Variants in GP2 observed in about 807,000 individuals in gnomAD.
GP2 encodes glycoprotein 2, also known as pancreatic secretory granule membrane major glycoprotein GP2.
In GP2, 58 loss-of-function variants were observed where a neutral mutation model predicts 60.8. That is an observed-to-expected ratio of 0.95 (90% confidence interval 0.77 to 1.19). GP2 has a LOEUF of 1.19. Among genes scored for constraint, GP2 ranks in the 50% most tolerant of loss-of-function variants. The pLI, the probability that GP2 is intolerant of heterozygous loss-of-function variation, is 0.00. For missense variants in GP2, 647 were observed against 667.4 expected, an observed-to-expected ratio of 0.97 and a Z score of 0.34; for synonymous variants, 280 against 253.4, an observed-to-expected ratio of 1.10 and a Z score of -1.00.
At chr16:20,312,710 G>A (rs376736918) in intron 10 of GP2, among the ~76,000 whole-genome samples, 1 of 151,794 alleles carries the variant, frequency 6.6e-6, no homozygotes, top group East Asian at 1.9e-4. Flanking sequence ...GAATGCAATG[G>A]TGCAATCTCA....
intron 2 of GP2, chr16:20,326,125 T>A (rs754266721): frequency 8.7e-6 from 5 of 573,044 alleles, no homozygotes; most frequent in Non-Finnish European, 1.6e-5. Flanking sequence ...TGGCTCCCAC[T>A]GCCCTTTCAG....
At chr16:20,313,251 C>G (rs372063695) in intron 10 of GP2, among the ~76,000 whole-genome samples, 1 of 84,696 alleles carries the variant, frequency 1.2e-5, no homozygotes, top group Admixed American at 1.1e-4. Flanking sequence ...CTCTCTCTCT[C>G]TGTCTCTCTG....
At chr16:20,315,401 A>T (rs1260822106) in intron 9 of GP2, among the ~76,000 whole-genome samples, 2 of 152,228 alleles carry the variant, frequency 1.3e-5, no homozygotes, top group African/African-American at 4.8e-5. Flanking sequence ...CATGAGTAGG[A>T]TGGATGAAAA....
intron 6 of GP2, 74 bp downstream of exon 6, chr16:20,319,546 A>G (rs1468421172): frequency 2.2e-5 from 23 of 1,059,140 alleles, no homozygotes; most frequent in Middle Eastern, 2.2e-4. Flanking sequence ...TGGACATCAT[A>G]GTCTGCACTT....
chr16:20,326,985 G>A lies in GP2; in HGVS notation c.-37+482C>T, dbSNP rs114102080. ...AATGGGGGTTGGGGGCGGTGGCGAG[G>A]CAGAAAGAAAGAGCTGCAAAAAAGC... On this transcript the variant is annotated intron_variant, in intron 1 of 10. Coordinates refer to ENST00000302555, the MANE Select transcript of GP2 (RefSeq NM_001502.4). The A allele has an allele frequency of 8.0e-3, 1,322 of 164,892 alleles. 14 individuals carry two copies. Among genetic ancestry groups the A allele is most frequent in the African/African-American group, 0.027 (1,139 of 41,646 alleles). The allele number at this position is 164,892 out of a possible 1,614,324, so 10.2% of individuals were successfully genotyped here.
At chr16:20,317,183 C>G in intron 8 of GP2, 30 bp downstream of exon 8, 1 of 1,552,490 alleles carries the variant, frequency 6.4e-7, no homozygotes, top group Non-Finnish European at 8.8e-7. Context: ...ATGCCAGGCT[C>G]TGAAGAGTTC....
chr16:20,319,632 T>G lies in GP2; in HGVS notation c.995A>C (p.Gln332Pro). ...DMKVSLQAAL[Q>P]PIVSSLNVSV... ...GTCAATGCCATACCTTACAATGGGC[T>G]GCAAGGCAGCTTGGAGGCTGACTTT... The change falls in exon 6 of 11, where the codon CAG becomes CCG. Residue 332 changes from glutamine (Q) to proline (P), a missense_variant. Transcript: ENST00000302555. The G allele has an allele frequency of 3.1e-6, 5 of 1,612,740 alleles. No individual in the cohort carries two copies. The highest frequency in any genetic ancestry group is 4.2e-6 in the Non-Finnish European group (5 of 1,178,688).
Position 20,310,063 on chromosome 16 carries a change from T to G in GP2, c.*1160A>C, listed in dbSNP as rs1963955297. The G allele has an allele frequency of 1.3e-5, 2 of 152,220 alleles. No individual in the cohort carries two copies. Among genetic ancestry groups the G allele is most frequent in the Non-Finnish European group, 2.9e-5 (2 of 68,052 alleles). 9.4% of individuals were successfully genotyped at this position (152,220 alleles called of 1,614,324 possible). ...CTATATGCCCGTGAGTATTAATGCC[T>G]GTGTATGTGTGATGCCCTATTTGCT... On this transcript the variant is annotated 3_prime_UTR_variant, in exon 11 of 11. Coordinates refer to ENST00000302555, the MANE Select transcript of GP2 (RefSeq NM_001502.4).
intron 4 of GP2, among the ~76,000 whole-genome samples, chr16:20,321,527 GA>G (rs747078645): frequency 6.6e-6 from 1 of 152,334 alleles, no homozygotes; most frequent in Non-Finnish European, 1.5e-5. Context: ...GAGCAGAGAA[GA>G]AGGTCTATCT....
intron 10 of GP2, among the ~76,000 whole-genome samples, chr16:20,311,844 C>T (rs1964004509): frequency 6.6e-6 from 1 of 152,212 alleles, no homozygotes; most frequent in Non-Finnish European, 1.5e-5. Flanking sequence ...ATTATTTATG[C>T]TGACTAATAC....
In GP2 at chr16:20,318,577, A is replaced by G. The variant is rs537716219; in HGVS notation, c.1008-147T>C. The G allele has an allele frequency of 1.1e-4, 74 of 701,200 alleles. No individual in the cohort carries two copies. In the African/African-American group the frequency reaches 1.2e-3, roughly 11 times the overall value. The allele number at this position is 701,200 out of a possible 1,614,324, so 43.4% of individuals were successfully genotyped here. On this transcript the variant is annotated intron_variant, in intron 6 of 10. Transcript: ENST00000302555. ...AATCAGTCGTTTAAACTGAGCATTT[A>G]TTAGCTTCTAGGCACTAAACTTGAC... is the stretch of plus-strand genomic sequence containing the variant.
chr16:20,324,175 C>A lies in GP2; in HGVS notation c.176G>T (p.Cys59Phe). 6.2e-7 allele frequency: 1 copy of A among 1,614,014 alleles called. No individual in the cohort carries two copies. Among genetic ancestry groups the A allele is most frequent in the Non-Finnish European group, 8.5e-7 (1 of 1,179,856 alleles). ...GAPGTPEAHV[C>F]FDPCQNYTLL... is the part of the protein sequence containing the mutation. ...GGTGTAATTCTGACAGGGGTCAAAA[C>A]AGACATGAGCCTCTGGGGTGCCAGG... is the stretch of plus-strand genomic sequence containing the variant. The change falls in exon 3 of 11, where the codon TGT becomes TTT. Residue 59 changes from cysteine (C) to phenylalanine (F), a missense_variant. By Grantham distance (205) the Cys-to-Phe change is radical. Transcript: ENST00000302555.
Position 20,322,999 on chromosome 16 carries a change from G to T in GP2, c.536-20C>A, listed in dbSNP as rs1334787250. On this transcript the variant is annotated intron_variant, in intron 3 of 10. Transcript: ENST00000302555. ...ATGGGTCTAGGTGATGGGGCATGGA[G>T]AGAGAAGATCAGGATGCAGTGCGGG... The T allele has an allele frequency of 1.4e-6, 2 of 1,411,204 alleles. No homozygotes were observed. The highest frequency in any genetic ancestry group is 1.2e-5 in the South Asian group (1 of 86,706). The allele number at this position is 1,411,204 out of a possible 1,614,324, so 87.4% of individuals were successfully genotyped here.
chr16:20,313,738 T>C (rs1964065979), intron 10 of GP2, among the ~76,000 whole-genome samples: 1 of 152,236 alleles, frequency 6.6e-6, no homozygotes, highest in African/African-American at 2.4e-5. Context: ...GACCAAGCAC[T>C]GGCCAATGAG....
chr16:20,321,753 G>A (rs934436917), intron 4 of GP2, among the ~76,000 whole-genome samples: 1 of 152,156 alleles, frequency 6.6e-6, no homozygotes, highest in Non-Finnish European at 1.5e-5. Flanking sequence ...TGTGGGAGAA[G>A]GAGATGGAAG....
intron 2 of GP2, among the ~76,000 whole-genome samples, chr16:20,324,697 T>G (rs1317550761): frequency 6.6e-6 from 1 of 152,228 alleles, no homozygotes; most frequent in Non-Finnish European, 1.5e-5. Context: ...TAATATAGCC[T>G]TCTTCTTAGG....
intron 5 of GP2, 111 bp downstream of exon 5, chr16:20,320,151 C>G: frequency 2.6e-6 from 2 of 784,020 alleles, no homozygotes; most frequent in Admixed American, 3.9e-5. Flanking sequence ...CTCACACAAC[C>G]CTGGGGGCTC....
At chr16:20,314,355 C>G (rs1002386552) in intron 10 of GP2, among the ~76,000 whole-genome samples, 1 of 149,610 alleles carries the variant, frequency 6.7e-6, no homozygotes, top group Non-Finnish European at 1.5e-5. Context: ...ACCATGTTTA[C>G]TTTTTTATTT....
chr16:20,313,389 C>A (rs1964057155), intron 10 of GP2, among the ~76,000 whole-genome samples: 1 of 152,052 alleles, frequency 6.6e-6, no homozygotes, highest in Non-Finnish European at 1.5e-5. Context: ...TCTTTCCAGA[C>A]CTTATCCAAT....
Sources: allele counts gnomAD v4.1 joint callset (sites outside exome capture counted in the v4.1 genomes callset), GRCh38; gene constraint gnomAD v4.1.1; transcripts MANE v1.5; gene names NCBI Gene and HGNC (gene_info 2026-07-23, HGNC 2026-07-21).